Variants in ABCC1 observed in about 807,000 individuals in gnomAD.
The protein encoded by ABCC1 is multidrug resistance-associated protein 1.
Under a neutral mutation model 172.9 loss-of-function variants are expected in ABCC1, and 83 were observed. That is an observed-to-expected ratio of 0.48 (90% confidence interval 0.40 to 0.58). The LOEUF (loss-of-function observed/expected upper bound fraction) is 0.58, where lower values mean the gene tolerates loss of function less well. Ranked by LOEUF, ABCC1 falls within the 20% of genes least tolerant of loss-of-function variation. ABCC1 has a pLI of 0.00. For missense variants in ABCC1, 1,817 were observed against 2,002.7 expected, an observed-to-expected ratio of 0.91 and a Z score of 1.77; for synonymous variants, 937 against 825.2, an observed-to-expected ratio of 1.14 and a Z score of -2.32.
Position 16,116,876 on chromosome 16 carries a change from T to C in ABCC1, c.3390+1800T>C, listed in dbSNP as rs912804019. Among the ~76,000 whole-genome samples, 3 of 152,128 alleles carry C rather than the reference T, an allele frequency of 2.0e-5. No individual in the cohort carries two copies. The East Asian group carries it at 5.8e-4, about 29-fold the overall frequency. On this transcript the variant is annotated intron_variant, in intron 23 of 30. Transcript: ENST00000399410. ...GAGCCCAGCCAGGGGCATTATTGAGTAAATTCGGATTACTTACCCATAAGC... is the reference window on the plus strand; with the variant it reads ...GAGCCCAGCCAGGGGCATTATTGAGCAAATTCGGATTACTTACCCATAAGC...
intron 21 of ABCC1, among the ~76,000 whole-genome samples, chr16:16,108,915 C>T (rs1374273167): frequency 6.6e-6 from 1 of 151,910 alleles, no homozygotes; most frequent in African/African-American, 2.4e-5. Context: ...TTCTGACCCC[C>T]GAGCCCACCA....
chr16:16,134,851 A>G (rs760178906), intron 28 of ABCC1, among the ~76,000 whole-genome samples: 7 of 152,210 alleles, frequency 4.6e-5, no homozygotes, highest in Middle Eastern at 3.4e-3. Flanking sequence ...TGTGTTGCCC[A>G]GGCTGCCCTT....
chr16:16,132,284 AG>A, intron 27 of ABCC1, among the ~76,000 whole-genome samples: 2 of 151,896 alleles, frequency 1.3e-5, no homozygotes, highest in East Asian at 3.9e-4. Context: ...CAGCCTCCCA[AG>A]TGGGGGGACT....
At position 16,141,401 on chromosome 16, in the gene ABCC1, C is replaced by G; in HGVS notation, c.*120C>G. 2 of 864,858 alleles carry G rather than the reference C, an allele frequency of 2.3e-6. No individual in the cohort carries two copies. Among genetic ancestry groups the G allele is most frequent in the Non-Finnish European group, 3.6e-6 (2 of 554,726 alleles). The allele number at this position is 864,858 out of a possible 1,614,324, so 53.6% of individuals were successfully genotyped here. On this transcript the variant is annotated 3_prime_UTR_variant, in exon 31 of 31. Transcript: ENST00000399410. ...TGAAACCAAAACATAAAAACCAAAC[C>G]CAGACAACCAAAACATATTCAAAGC...
chr16:15,950,650 T>A (rs1013596037), intron 1 of ABCC1, among the ~76,000 whole-genome samples: 3 of 152,216 alleles, frequency 2.0e-5, no homozygotes, highest in Admixed American at 6.5e-5. Flanking sequence ...GGGCTTCAGC[T>A]TCTCCGTAAT....
intron 22 of ABCC1, among the ~76,000 whole-genome samples, chr16:16,113,821 C>T (rs545994896): frequency 1.3e-3 from 198 of 152,242 alleles, no homozygotes; most frequent in African/African-American, 4.5e-3. Flanking sequence ...GTGGTGATTT[C>T]GGGATGAAAC....
rs1193694877 is a variant in ABCC1, at chr16:15,976,694, C to T, written c.48+26895C>T. ...TGGCTTTATGAGCTGTTTACTCCAA[C>T]AGTGATGATGACAATAGCCATAGTA... On this transcript the variant is annotated intron_variant, in intron 1 of 30. Coordinates refer to ENST00000399410, the MANE Select transcript of ABCC1 (RefSeq NM_004996.4). 2.6e-5 allele frequency among the ~76,000 whole-genome samples: 4 copies of T among 152,164 alleles called. No homozygotes were observed. The East Asian group carries it at 7.7e-4, about 29-fold the overall frequency.
chr16:16,025,350 AAC>A (rs1408621708), intron 5 of ABCC1, among the ~76,000 whole-genome samples: 4 of 152,140 alleles, frequency 2.6e-5, no homozygotes, highest in Admixed American at 2.0e-4. Context: ...TCACGCTTGA[AAC>A]ACAGATTGCT....
In ABCC1 at chr16:16,133,038, T is replaced by A. The variant is rs561153104; in HGVS notation, c.3966+1103T>A. On this transcript the variant is annotated intron_variant, in intron 27 of 30. Coordinates refer to ENST00000399410, the MANE Select transcript of ABCC1 (RefSeq NM_004996.4). ...GTTGGCCCCTCCAAAACATTAGAAT[T>A]TGTGATCTCTAGAATAAGGTGTCAC... Among the ~76,000 whole-genome samples, 6 of 152,144 alleles carry A rather than the reference T, an allele frequency of 3.9e-5. No homozygotes were observed. In the East Asian group the frequency reaches 9.7e-4, roughly 25 times the overall value.
At chr16:16,082,988 T>C (rs7185286) in intron 16 of ABCC1, among the ~76,000 whole-genome samples, 123,883 of 152,084 alleles carry the variant, frequency 0.81, 50,599 homozygotes, top group Non-Finnish European at 0.85. Flanking sequence ...TTTTTATCTT[T>C]GCGTCCACCG....
At chr16:16,023,631 A>T (rs974786723) in intron 5 of ABCC1, among the ~76,000 whole-genome samples, 2 of 152,116 alleles carry the variant, frequency 1.3e-5, no homozygotes, top group Non-Finnish European at 2.9e-5. Flanking sequence ...TGGAGGAGAG[A>T]TGGAAGGTGG....
chr16:16,014,492 T>C lies in ABCC1; in HGVS notation c.353T>C (p.Leu118Pro). 2 of 1,613,782 alleles carry C rather than the reference T, an allele frequency of 1.2e-6. No individual in the cohort carries two copies. Among genetic ancestry groups the C allele is most frequent in the Non-Finnish European group, 1.7e-6 (2 of 1,179,884 alleles). ...CCTGTCTTGTGCTTCTCTCCTCAGC[T>C]GCTTGCTACCTTTTTAATTCAGCTG... Reference protein sequence around the residue: ...VSPTLLGITMLLATFLIQLER... With the variant: ...VSPTLLGITMPLATFLIQLER... The change falls in exon 4 of 31, where the codon CTG becomes CCG. Residue 118 changes from leucine to proline, a missense_variant and splice_region_variant. Physicochemically the swap from Leu to Pro is moderately conservative, Grantham distance 98. Transcript: ENST00000399410.
intron 12 of ABCC1, 112 bp downstream of exon 12, chr16:16,056,407 T>C (rs2049657678): frequency 1.6e-6 from 2 of 1,256,452 alleles, no homozygotes; most frequent in African/African-American, 1.5e-5. Context: ...GGCTCATGCT[T>C]GGTAATCCCA....
At chr16:16,104,124 A>G (rs1265592803) in intron 20 of ABCC1, among the ~76,000 whole-genome samples, 2 of 151,940 alleles carry the variant, frequency 1.3e-5, no homozygotes, top group South Asian at 2.1e-4. Context: ...GGTGAGTGTT[A>G]CAGCTCACAA....
intron 12 of ABCC1, among the ~76,000 whole-genome samples, chr16:16,060,702 A>C (rs2049873128): frequency 6.6e-6 from 1 of 151,728 alleles, no homozygotes; most frequent in African/African-American, 2.4e-5. Context: ...TAATATTTTT[A>C]GTAGAGATGG....
At chr16:16,113,994 T>G (rs902141221) in intron 22 of ABCC1, among the ~76,000 whole-genome samples, 1 of 152,100 alleles carries the variant, frequency 6.6e-6, no homozygotes. Context: ...GCTCAGGAGG[T>G]GACCACCACT....
At chr16:16,104,934 C>T (rs556529959) in intron 20 of ABCC1, among the ~76,000 whole-genome samples, 175 of 152,220 alleles carry the variant, frequency 1.1e-3, no homozygotes, top group Non-Finnish European at 1.9e-3. Flanking sequence ...CGGGGTCCAC[C>T]GAGCCGACGC....
intron 3 of ABCC1, among the ~76,000 whole-genome samples, chr16:16,011,131 G>A (rs914117487): frequency 2.6e-5 from 4 of 152,176 alleles, no homozygotes; most frequent in African/African-American, 9.7e-5. Flanking sequence ...TACTCAAGAG[G>A]CTGAGGCAGG....
In ABCC1 at chr16:16,072,484, C is replaced by CTTT. The variant is rs5815852; in HGVS notation, c.1912+766_1912+768dup. Among the ~76,000 whole-genome samples, 5 of 142,420 alleles carry CTTT rather than the reference C, an allele frequency of 3.5e-5. 1 individual carries two copies. Among genetic ancestry groups the CTTT allele is most frequent in the East Asian group, 2.1e-4 (1 of 4,782 alleles). The allele number at this position is 142,420 out of a possible 152,430, so 93.4% of individuals were successfully genotyped here. On this transcript the variant is annotated intron_variant, in intron 14 of 30. Transcript: ENST00000399410. Reference sequence around the variant, plus strand: ...ATAGGCATGAGCCAGTTCTCCTGGCCTTTTTTTTTTTTTCAATATTAAATT... The same window carrying CTTT: ...ATAGGCATGAGCCAGTTCTCCTGGCCTTTTTTTTTTTTTTTTCAATATTAAATT...
Sources: gnomAD v4.1 joint callset for allele counts (sites outside exome capture counted in the v4.1 genomes callset) on GRCh38, gnomAD v4.1.1 for gene constraint, MANE v1.5 for transcripts, NCBI Gene and HGNC (gene_info 2026-07-23, HGNC 2026-07-21) for gene names.